TSC2: variants seen among roughly 807,000 people sequenced by gnomAD.
TSC2 encodes tuberin.
Under a neutral mutation model 202.2 loss-of-function variants are expected in TSC2, and 29 were observed. That is an observed-to-expected ratio of 0.14 (90% CI 0.11 to 0.20). The LOEUF (loss-of-function observed/expected upper bound fraction) is 0.20, where lower values mean the gene tolerates loss of function less well. TSC2 is among the 10% of genes least tolerant of loss of function. The pLI, the probability that TSC2 is intolerant of heterozygous loss-of-function variation, is 1.00. For synonymous variants in TSC2, 1,349 were observed against 1,044.0 expected (o/e 1.29, Z -5.63); for missense variants, 2,429 against 2,420.0 (o/e 1.00, Z -0.08).
Position 2,088,784 on chromosome 16 carries a change from G to T in TSC2, c.*174G>T, listed in dbSNP as rs1004414028. The T allele has an allele frequency of 7.9e-6, 7 of 885,052 alleles. No individual in the cohort carries two copies. The African/African-American group carries it at 1.0e-4, about 13-fold the overall frequency. 54.8% of individuals were successfully genotyped at this position (885,052 alleles called of 1,614,324 possible). ...GGGGGGTGTCGAGGCTCTAGAAGCGGCCATGCCCACAGAAGTGGTACACAG... is the reference window on the plus strand; with the variant it reads ...GGGGGGTGTCGAGGCTCTAGAAGCGTCCATGCCCACAGAAGTGGTACACAG... On this transcript the variant is annotated 3_prime_UTR_variant, in exon 42 of 42. Transcript: ENST00000219476.
rs1416512705 is a variant in TSC2, at chr16:2,048,044, G to GAGCGCGGT, written c.-50_-43dup. ...CCTTTCTCCGCGTCGGGGCGGCCCGGAGCGCGGTGGCGCGGCGCGGGGTAA... is the reference window on the plus strand; with the variant it reads ...CCTTTCTCCGCGTCGGGGCGGCCCGGAGCGCGGTAGCGCGGTGGCGCGGCGCGGGGTAA... On this transcript the variant is annotated 5_prime_UTR_variant, in exon 1 of 42. Coordinates refer to ENST00000219476, the MANE Select transcript of TSC2 (RefSeq NM_000548.5). The GAGCGCGGT allele has an allele frequency of 2.1e-6, 3 of 1,426,226 alleles. No homozygotes were observed. Among genetic ancestry groups the GAGCGCGGT allele is most frequent in the Non-Finnish European group, 2.7e-6 (3 of 1,097,662 alleles). The allele number at this position is 1,426,226 out of a possible 1,614,324, so 88.3% of individuals were successfully genotyped here.
intron 12 of TSC2, 51 bp downstream of exon 12, chr16:2,062,059 G>A (rs2086708351): frequency 6.2e-7 from 1 of 1,611,506 alleles, no homozygotes; most frequent in Non-Finnish European, 8.5e-7. Flanking sequence ...GTGGGGAGGG[G>A]CCGGGTGCTG....
chr16:2,084,034 C>T (rs753520414), intron 33 of TSC2, among the ~76,000 whole-genome samples, 194 bp from the exon 34 acceptor site: 4 of 152,246 alleles, frequency 2.6e-5, no homozygotes, highest in African/African-American at 4.8e-5. Flanking sequence ...ATGCTGATAC[C>T]TCTGCTCACG....
Position 2,084,289 on chromosome 16 carries a change from G to A in TSC2, c.4067G>A (p.Gly1356Asp), listed in dbSNP as rs747104864. The stretch of plus-strand genomic sequence containing the variant: ...CACGCGGAGGAGCTGGTTGGCAGGG[G>A]CATCCCCATCGAGCGAGTCGTCTCC... ...SLHAEELVGR[G>D]IPIERVVSSE... Residue 1356 changes from glycine to aspartate, a missense_variant, in exon 34 of 42, where the codon GGC (glycine) becomes GAC (aspartate). Coordinates refer to ENST00000219476, the MANE Select transcript of TSC2 (RefSeq NM_000548.5). 7 of 1,612,124 alleles carry A rather than the reference G, an allele frequency of 4.3e-6. No individual in the cohort carries two copies. The highest frequency in any genetic ancestry group is 1.1e-5 in the South Asian group (1 of 90,898).
Position 2,079,734 on chromosome 16 carries a change from G to C in TSC2, c.3397+65G>C. 1 of 1,504,844 alleles carries C rather than the reference G, an allele frequency of 6.6e-7. No homozygotes were observed. The allele number at this position is 1,504,844 out of a possible 1,614,324, so 93.2% of individuals were successfully genotyped here. On this transcript the variant is annotated intron_variant, in intron 29 of 41. Coordinates refer to ENST00000219476, the MANE Select transcript of TSC2 (RefSeq NM_000548.5). The surrounding 1 kb of genome is among the most constrained non-coding windows in gnomAD (Gnocchi z 4.6). ...GCTCCCTCAGTTGCTGCTGGTCCCA[G>C]TGTTCAGGAAGGCCCCGAGCCCAGG...
intron 31 of TSC2, 174 bp from the exon 32 acceptor site, chr16:2,082,262 G>A: frequency 1.4e-6 from 1 of 711,310 alleles, no homozygotes; most frequent in Non-Finnish European, 2.5e-6. Flanking sequence ...GGGAGGCACT[G>A]CCCTCCTCAG....
In TSC2 at chr16:2,087,814, C is replaced by A. The variant is rs755228024; in HGVS notation, c.4990-49C>A. 1.9e-6 allele frequency: 3 copies of A among 1,600,208 alleles called. No homozygotes were observed. In the South Asian group the frequency reaches 3.3e-5, roughly 18 times the overall value. ...CAACCAGGCAGTAGCCGAGATCAGC[C>A]TTCAGCACACGCTGTGTGCGGGGAT... is the stretch of plus-strand genomic sequence containing the variant. On this transcript the variant is annotated intron_variant, in intron 38 of 41. Transcript: ENST00000219476.
In TSC2 at chr16:2,075,906, C is replaced by T. The variant is rs1057520927; in HGVS notation, c.2639+14C>T. ...CAACCCCTCCAAGTGAGTGGTCGCC[C>T]CAGGCCCTGTGCCTCCCAGCCGTGG... On this transcript the variant is annotated intron_variant, in intron 23 of 41. Coordinates refer to ENST00000219476, the MANE Select transcript of TSC2 (RefSeq NM_000548.5). 4 of 1,612,916 alleles carry T rather than the reference C, an allele frequency of 2.5e-6. No individual in the cohort carries two copies. Among genetic ancestry groups the T allele is most frequent in the East Asian group, 2.2e-5 (1 of 44,882 alleles).
intron 25 of TSC2, 158 bp from the exon 26 acceptor site, chr16:2,077,440 C>G: frequency 9.6e-7 from 1 of 1,043,054 alleles, no homozygotes; most frequent in Non-Finnish European, 1.4e-6. Context: ...CCGCTAACTG[C>G]CCTTTGGCAT....
chr16:2,065,962 C>T (rs1427099694), intron 16 of TSC2, among the ~76,000 whole-genome samples: 1 of 152,210 alleles, frequency 6.6e-6, no homozygotes, highest in African/African-American at 2.4e-5. Flanking sequence ...CATTCCTGCC[C>T]TGCAGTCCGT....
chr16:2,061,224 G>A lies in TSC2; in HGVS notation c.1119+411G>A, dbSNP rs149929648. The A allele has an allele frequency of 5.9e-4, 190 of 324,520 alleles. 1 individual carries two copies. Among genetic ancestry groups the A allele is most frequent in the African/African-American group, 3.8e-3 (178 of 46,696 alleles). The allele number at this position is 324,520 out of a possible 1,614,324, so 20.1% of individuals were successfully genotyped here. ...TTAAGGAGGACTCCACGGCCACACG[G>A]GCTCATCAGCATAGGGGCCCTGGGG... On this transcript the variant is annotated intron_variant, in intron 11 of 41. Coordinates refer to ENST00000219476, the MANE Select transcript of TSC2 (RefSeq NM_000548.5).
chr16:2,084,654 G>C lies in TSC2; in HGVS notation c.4432G>C (p.Asp1478His), dbSNP rs45517343. Residue 1478 changes from aspartate to histidine, a missense_variant, in exon 34 of 42, where the codon GAC becomes CAC. Coordinates refer to ENST00000219476, the MANE Select transcript of TSC2 (RefSeq NM_000548.5). ...PSRRGKRVER[D>H]ALKSRATASN... ...ACGCAGGGGCAAGAGAGTAGAGAGG[G>C]ACGCCTTAAAGAGCAGAGCCACAGC... 3 of 1,599,254 alleles carry C rather than the reference G, an allele frequency of 1.9e-6. No homozygotes were observed. Among genetic ancestry groups the C allele is most frequent in the Non-Finnish European group, 2.5e-6 (3 of 1,179,854 alleles).
At position 2,056,497 on chromosome 16, in the gene TSC2, C is replaced by G. The variant is rs1413587693; in HGVS notation, c.649-147C>G. 3 of 1,292,824 alleles carry G rather than the reference C, an allele frequency of 2.3e-6. No homozygotes were observed. The East Asian group carries it at 7.5e-5, about 32-fold the overall frequency. 80.1% of individuals were successfully genotyped at this position (1,292,824 alleles called of 1,614,324 possible). On this transcript the variant is annotated intron_variant, in intron 7 of 41. Coordinates refer to ENST00000219476, the MANE Select transcript of TSC2 (RefSeq NM_000548.5). ...ACGTCAGGTGCTTCCCACATGCCCG[C>G]TTGCCCTGTGGCTTGGAGAGAGGGT... is the stretch of plus-strand genomic sequence containing the variant.
intron 41 of TSC2, 29 bp from the exon 42 acceptor site, chr16:2,088,417 C>G (rs1197128625): frequency 6.2e-7 from 1 of 1,612,706 alleles, no homozygotes. Context: ...GCCTCCCAGA[C>G]TTACTGCCCA....
In TSC2 at chr16:2,071,921, A is replaced by G. The variant is rs1596345118; in HGVS notation, c.2084A>G (p.Gln695Arg). ...PYSLLFRVLL[Q>R]CLKQESDWKV... ...TCCCTGCTCTTCCGCGTCCTGCTGCAGTGCTTGAAGCAGGTGAGTGGGGCC... is the reference window on the plus strand; with the variant it reads ...TCCCTGCTCTTCCGCGTCCTGCTGCGGTGCTTGAAGCAGGTGAGTGGGGCC... The change falls in exon 19 of 42, where the codon CAG (glutamine) becomes CGG (arginine). Residue 695 changes from glutamine to arginine, a missense_variant. By Grantham distance (43) the Gln-to-Arg change is conservative. Coordinates refer to ENST00000219476, the MANE Select transcript of TSC2 (RefSeq NM_000548.5). 1 of 1,587,524 alleles carries G rather than the reference A, an allele frequency of 6.3e-7. No homozygotes were observed. Among genetic ancestry groups the G allele is most frequent in the Non-Finnish European group, 8.6e-7 (1 of 1,166,874 alleles).
chr16:2,072,188 C>T (rs939309573), intron 19 of TSC2, 53 bp from the exon 20 acceptor site: 1 of 1,611,722 alleles, frequency 6.2e-7, no homozygotes, highest in African/African-American at 1.3e-5. Flanking sequence ...CTAGCTTCCG[C>T]CTCTGTCTCT....
intron 36 of TSC2, 134 bp downstream of exon 36, chr16:2,085,456 T>C: frequency 1.0e-6 from 1 of 963,508 alleles, no homozygotes; most frequent in Non-Finnish European, 1.6e-6. Flanking sequence ...GAAGTGCTCA[T>C]TGAGCTCTGT....
At chr16:2,052,650 G>A (rs1013298595) in intron 3 of TSC2, among the ~76,000 whole-genome samples, 1 of 152,172 alleles carries the variant, frequency 6.6e-6, no homozygotes, top group Non-Finnish European at 1.5e-5. Context: ...GAGGAGTAAG[G>A]CCAGGAATGA....
Position 2,053,280 on chromosome 16 carries a change from G to C in TSC2, c.226-62G>C. 2.6e-6 allele frequency: 4 copies of C among 1,515,856 alleles called. No individual in the cohort carries two copies. The South Asian group carries it at 3.6e-5, about 14-fold the overall frequency. The allele number at this position is 1,515,856 out of a possible 1,614,324, so 93.9% of individuals were successfully genotyped here. ...GTCCTCCGCTCACGGCACTGCTCCA[G>C]TTGCCGGGGCCAGGGTTCTTGGAGA... On this transcript the variant is annotated intron_variant, in intron 3 of 41. Coordinates refer to ENST00000219476, the MANE Select transcript of TSC2 (RefSeq NM_000548.5).
Sources: gnomAD v4.1 joint callset for allele counts (sites outside exome capture counted in the v4.1 genomes callset) on GRCh38, gnomAD v4.1.1 for gene constraint, Gnocchi (gnomAD v3.1) non-coding constraint, MANE v1.5 for transcripts, NCBI Gene and HGNC (gene_info 2026-07-23, HGNC 2026-07-21) for gene names.